MDFIC: variants seen among roughly 807,000 people sequenced by gnomAD.
MDFIC encodes the protein myoD family inhibitor domain-containing protein.
In MDFIC, 17 loss-of-function variants were observed where a neutral mutation model predicts 23.2. The observed-to-expected ratio is 0.73, with a 90% CI of 0.50 to 1.10. The LOEUF is 1.10. MDFIC is among the 50% of genes least tolerant of loss of function. The probability of loss-of-function intolerance (pLI) is 0.00; values close to 1 mark genes in which losing one functional copy is unlikely to be tolerated. For synonymous variants in MDFIC, 120 were observed against 115.2 expected (o/e 1.04, Z -0.27); for missense variants, 356 against 316.6 (o/e 1.12, Z -0.95).
In MDFIC at chr7:114,953,166, T is replaced by C. The variant is rs115099049; in HGVS notation, c.217+10769T>C. On this transcript the variant is annotated intron_variant, in intron 3 of 4. Coordinates refer to ENST00000393486, the MANE Select transcript of MDFIC (RefSeq NM_001166345.3). ...ATTTTAGCCAATTTGTGATAGTTGA[T>C]TTTTAGTCTAGCTTTACATCTTTTA... Among the ~76,000 whole-genome samples, 1,252 of 152,318 alleles carry C rather than the reference T, an allele frequency of 8.2e-3. 16 individuals are homozygous for C. Among genetic ancestry groups the C allele is most frequent in the African/African-American group, 0.029 (1,201 of 41,574 alleles).
Position 114,922,212 on chromosome 7 carries a change from C to G in MDFIC, c.-532C>G, listed in dbSNP as rs914036131. On this transcript the variant is annotated 5_prime_UTR_variant, in exon 1 of 5. Transcript: ENST00000393486. ...CGCAGGGCGCGAGGGATCGCGCGGC[C>G]GAGCCCGGGTCGCGCCGCTCCCAGC... The G allele has an allele frequency of 1.5e-5, 7 of 464,228 alleles. No individual in the cohort carries two copies. The highest frequency in any genetic ancestry group is 4.4e-5 in the Admixed American group (1 of 22,526). 28.8% of individuals were successfully genotyped at this position (464,228 alleles called of 1,614,324 possible).
At chr7:115,001,055 A>G (rs1791456428) in intron 4 of MDFIC, among the ~76,000 whole-genome samples, 1 of 152,220 alleles carries the variant, frequency 6.6e-6, no homozygotes, top group Admixed American at 6.5e-5. Flanking sequence ...CTGAAGGGAA[A>G]AATGGAAGAT....
rs138582789 is a variant in MDFIC, at chr7:114,926,670, T to A, written c.94+3543T>A. Among the ~76,000 whole-genome samples, 242 of 152,298 alleles carry A rather than the reference T, an allele frequency of 1.6e-3. 1 individual carries two copies. Among genetic ancestry groups the A allele is most frequent in the African/African-American group, 5.6e-3 (231 of 41,558 alleles). On this transcript the variant is annotated intron_variant, in intron 2 of 4. Transcript: ENST00000393486. ...TTCTTAGCAGGATGCAAAATGCCAG[T>A]GAAGTTAATTAAAAATAATCTAAAA...
At chr7:114,928,812 A>C (rs1311344443) in intron 2 of MDFIC, among the ~76,000 whole-genome samples, 1 of 152,202 alleles carries the variant, frequency 6.6e-6, no homozygotes, top group Non-Finnish European at 1.5e-5. Flanking sequence ...GAGTGGAGGC[A>C]GTGATTATAA....
In MDFIC at chr7:115,014,377, A is replaced by T. The variant is rs1288896669; in HGVS notation, c.494-1311A>T. ...TCACATCTACTTGCAGTTATATGGC[A>T]TTCTATAGAGAAGCGCATGATTTTT... On this transcript the variant is annotated intron_variant, in intron 4 of 4. Transcript: ENST00000393486. 11 of 1,286,658 alleles carry T rather than the reference A, an allele frequency of 8.5e-6. No homozygotes were observed. In the East Asian group the frequency reaches 5.6e-4, roughly 65 times the overall value. The allele number at this position is 1,286,658 out of a possible 1,614,324, so 79.7% of individuals were successfully genotyped here. A position where few individuals can be genotyped will look rare whatever the true frequency, so the allele number is the denominator to read the frequency against.
chr7:114,958,170 A>G (rs1792918707), intron 3 of MDFIC, among the ~76,000 whole-genome samples: 2 of 152,234 alleles, frequency 1.3e-5, no homozygotes, highest in Non-Finnish European at 2.9e-5. Context: ...TTTAGCTACC[A>G]GGAATAAATA....
rs1585108456 is a variant in MDFIC, at chr7:114,972,351, C to T, written c.218-7155C>T. ...CAACTCATCCCAGATTGCCGGGGAC[C>T]GACCTGGTTTAAAACTAAAAATTCT... is the stretch of plus-strand genomic sequence containing the variant. On this transcript the variant is annotated intron_variant, in intron 3 of 4. Coordinates refer to ENST00000393486, the MANE Select transcript of MDFIC (RefSeq NM_001166345.3). 2.0e-5 allele frequency among the ~76,000 whole-genome samples: 3 copies of T among 152,142 alleles called. 1 individual carries two copies. Among genetic ancestry groups the T allele is most frequent in the South Asian group, 4.1e-4 (2 of 4,832 alleles).
At chr7:114,954,241 C>T (rs1255148728) in intron 3 of MDFIC, among the ~76,000 whole-genome samples, 1 of 152,234 alleles carries the variant, frequency 6.6e-6, no homozygotes, top group Admixed American at 6.5e-5. Context: ...CTGTCCTTTT[C>T]CTTAATGATA....
At chr7:114,993,424 G>A (rs1413480941) in intron 4 of MDFIC, among the ~76,000 whole-genome samples, 4 of 152,104 alleles carry the variant, frequency 2.6e-5, no homozygotes, top group Admixed American at 1.3e-4. Context: ...TGCTTCTCTA[G>A]TTCTTTTAAT....
At chr7:114,980,932 A>G (rs1172636352) in intron 4 of MDFIC, among the ~76,000 whole-genome samples, 1 of 152,224 alleles carries the variant, frequency 6.6e-6, no homozygotes, top group Admixed American at 6.5e-5. Context: ...AGGTTGATCA[A>G]ATGATATGAT....
At chr7:115,008,529 G>A (rs1033886017) in intron 4 of MDFIC, among the ~76,000 whole-genome samples, 3 of 152,172 alleles carry the variant, frequency 2.0e-5, no homozygotes, top group Non-Finnish European at 4.4e-5. Context: ...GTGCCAGAGC[G>A]TTCTGTGTAG....
rs191367018 is a variant in MDFIC at position 114,985,375 on chromosome 7, A to G, written c.493+5594A>G. ...GCTTCTTGGAAAAGTCAATGCCTGGATGGGGACCTGAAAGACAAGACAAAG... is the reference window on the plus strand; with the variant it reads ...GCTTCTTGGAAAAGTCAATGCCTGGGTGGGGACCTGAAAGACAAGACAAAG... On this transcript the variant is annotated intron_variant, in intron 4 of 4. Coordinates refer to ENST00000393486, the MANE Select transcript of MDFIC (RefSeq NM_001166345.3). 7.1e-4 allele frequency among the ~76,000 whole-genome samples: 108 copies of G among 152,250 alleles called. 1 individual carries two copies. Among genetic ancestry groups the G allele is most frequent in the African/African-American group, 2.5e-3 (104 of 41,534 alleles).
chr7:114,985,885 T>C (rs1585114064), intron 4 of MDFIC, among the ~76,000 whole-genome samples: 1 of 148,454 alleles, frequency 6.7e-6, no homozygotes, highest in East Asian at 1.9e-4. Flanking sequence ...CCATATATAC[T>C]TTTTTTGAAA....
intron 4 of MDFIC, among the ~76,000 whole-genome samples, chr7:115,002,621 C>T (rs548031126): frequency 2.6e-5 from 4 of 152,218 alleles, no homozygotes; most frequent in Non-Finnish European, 5.9e-5. Context: ...CTCCCTCCCC[C>T]TCAGGGGAAG....
chr7:114,953,292 A>G (rs1356385540), intron 3 of MDFIC, among the ~76,000 whole-genome samples: 1 of 152,200 alleles, frequency 6.6e-6, no homozygotes, highest in African/African-American at 2.4e-5. Flanking sequence ...TTAAATTCAA[A>G]TATTTTACCC....
intron 4 of MDFIC, chr7:115,014,406 T>C: frequency 7.8e-7 from 1 of 1,289,306 alleles, no homozygotes; most frequent in Non-Finnish European, 1.0e-6. Context: ...GATTTTTTAT[T>C]ATAGCATGGC....
chr7:114,979,442 C>G, intron 3 of MDFIC, 64 bp from the exon 4 acceptor site: 1 of 1,460,732 alleles, frequency 6.8e-7, no homozygotes, highest in Non-Finnish European at 9.2e-7. Context: ...AATGTATTTT[C>G]ATTATTTTAA....
At chr7:115,005,603 A>G (rs1276031903) in intron 4 of MDFIC, among the ~76,000 whole-genome samples, 1 of 152,224 alleles carries the variant, frequency 6.6e-6, no homozygotes, top group African/African-American at 2.4e-5. Flanking sequence ...ATTTAAAGTA[A>G]TAATACACTA....
intron 2 of MDFIC, among the ~76,000 whole-genome samples, chr7:114,940,727 T>C (rs771112810): frequency 4.6e-5 from 7 of 152,314 alleles, no homozygotes; most frequent in Middle Eastern, 3.4e-3. Context: ...TCATAAGTCA[T>C]TGTATCCTCA....
Sources: gnomAD v4.1 joint callset for allele counts (sites outside exome capture counted in the v4.1 genomes callset) on GRCh38, gnomAD v4.1.1 for gene constraint, MANE v1.5 for transcripts, NCBI Gene and HGNC (gene_info 2026-07-23, HGNC 2026-07-21) for gene names.